AGTPBP1: variants seen among roughly 807,000 people sequenced by gnomAD.
AGTPBP1 encodes cytosolic carboxypeptidase 1.
Under a neutral mutation model 143.9 loss-of-function variants are expected in AGTPBP1, and 70 were observed. The ratio of observed to expected loss-of-function variants is 0.49; its 90% CI spans 0.40 to 0.59. AGTPBP1 has a LOEUF of 0.59. Among genes scored for constraint, AGTPBP1 ranks in the 20% least tolerant of loss-of-function variants. The pLI, the probability that AGTPBP1 is intolerant of heterozygous loss-of-function variation, is 0.00. For synonymous variants in AGTPBP1, 463 were observed against 500.2 expected, an observed-to-expected ratio of 0.93 and a Z score of 0.99; for missense variants, 1,229 against 1,464.5, an observed-to-expected ratio of 0.84 and a Z score of 2.62.
chr9:85,720,619 T>A lies in AGTPBP1; in HGVS notation c.-33-8053A>T, dbSNP rs139886909. Reference sequence around the variant, plus strand: ...TTTTTCAAAAAACCAGCTCCTGGATTCATTGATTTTTTTAAGGGATTTTTT... The same window carrying A: ...TTTTTCAAAAAACCAGCTCCTGGATACATTGATTTTTTTAAGGGATTTTTT... On this transcript the variant is annotated intron_variant, in intron 1 of 25. Transcript: ENST00000357081. Among the ~76,000 whole-genome samples the A allele has an allele frequency of 7.1e-4, 107 of 150,602 alleles. 1 individual carries two copies. In the East Asian group the frequency reaches 0.014, roughly 20 times the overall value.
In AGTPBP1 at chr9:85,740,193, T is replaced by C. The variant is rs190505744; in HGVS notation, c.-34+1582A>G. Among the ~76,000 whole-genome samples, 5 of 152,338 alleles carry C rather than the reference T, an allele frequency of 3.3e-5. No homozygotes were observed. In the East Asian group the frequency reaches 7.7e-4, roughly 23 times the overall value. On this transcript the variant is annotated intron_variant, in intron 1 of 25. Coordinates refer to ENST00000357081, the MANE Select transcript of AGTPBP1 (RefSeq NM_001330701.2). ...CAAAAGTTTAATTAATAGATTTAAA[T>C]GCTTTGCAATGTTGGCCAAATACGA...
chr9:85,625,502 G>A (rs1191219287), intron 14 of AGTPBP1, among the ~76,000 whole-genome samples: 4 of 151,936 alleles, frequency 2.6e-5, no homozygotes, highest in South Asian at 2.1e-4. Context: ...TTTCATAAGC[G>A]TATTTTTTAA....
At chr9:85,671,041 A>G (rs1834447616) in intron 7 of AGTPBP1, among the ~76,000 whole-genome samples, 1 of 152,086 alleles carries the variant, frequency 6.6e-6, no homozygotes, top group African/African-American at 2.4e-5. Context: ...TCCTGGGCTC[A>G]AGAAATCCTC....
intron 11 of AGTPBP1, among the ~76,000 whole-genome samples, chr9:85,652,334 C>A (rs1190666677): frequency 6.6e-6 from 1 of 152,048 alleles, no homozygotes; most frequent in Non-Finnish European, 1.5e-5. Context: ...CATGGTGAAA[C>A]CCCGTCTCTA....
intron 1 of AGTPBP1, among the ~76,000 whole-genome samples, chr9:85,723,690 C>T (rs1212772833): frequency 6.6e-6 from 1 of 152,134 alleles, no homozygotes; most frequent in African/African-American, 2.4e-5. Flanking sequence ...GTGGGCTGCA[C>T]CCACCGTCCA....
In AGTPBP1 at chr9:85,638,104, G is replaced by T. The variant is rs530966352; in HGVS notation, c.1302+4723C>A. ...AAAACCCACTTGACGTTACTGCTTTGCTTTTTATGTTTAGTAAAAAAAAAG... is the reference window on the plus strand; with the variant it reads ...AAAACCCACTTGACGTTACTGCTTTTCTTTTTATGTTTAGTAAAAAAAAAG... On this transcript the variant is annotated intron_variant, in intron 13 of 25. Coordinates refer to ENST00000357081, the MANE Select transcript of AGTPBP1 (RefSeq NM_001330701.2). Among the ~76,000 whole-genome samples the T allele has an allele frequency of 9.6e-5, 14 of 146,162 alleles. No individual in the cohort carries two copies. The East Asian group carries it at 3.0e-3, about 31-fold the overall frequency.
At chr9:85,634,999 G>C (rs539525394) in intron 13 of AGTPBP1, among the ~76,000 whole-genome samples, 1 of 152,126 alleles carries the variant, frequency 6.6e-6, no homozygotes, top group African/African-American at 2.4e-5. Flanking sequence ...TTATCTTACT[G>C]CTATTTTAAT....
chr9:85,690,348 A>G (rs1373908587), intron 3 of AGTPBP1, among the ~76,000 whole-genome samples: 1 of 152,192 alleles, frequency 6.6e-6, no homozygotes, highest in East Asian at 1.9e-4. Flanking sequence ...GGCTAATCCT[A>G]GGCACTATAA....
At chr9:85,664,152 C>A (rs1834000122) in intron 8 of AGTPBP1, among the ~76,000 whole-genome samples, 1 of 152,132 alleles carries the variant, frequency 6.6e-6, no homozygotes, top group South Asian at 2.1e-4. Context: ...ATTGTCATGA[C>A]TGCTAGGGCC....
chr9:85,634,112 T>C (rs920927597), intron 13 of AGTPBP1, among the ~76,000 whole-genome samples: 2 of 147,464 alleles, frequency 1.4e-5, no homozygotes, highest in African/African-American at 5.1e-5. Context: ...GAGAATCACT[T>C]GAACCCAGGA....
chr9:85,799,721 T>C, the AGTPBP1 span, among the ~76,000 whole-genome samples: 1 of 152,154 alleles, frequency 6.6e-6, no homozygotes, highest in Admixed American at 6.5e-5. Context: ...TCTCACTATG[T>C]TGCCCAGGCT....
the AGTPBP1 span, among the ~76,000 whole-genome samples, chr9:85,785,380 T>TACAGG: frequency 6.6e-6 from 1 of 152,184 alleles, no homozygotes; most frequent in Non-Finnish European, 1.5e-5. Flanking sequence ...ACTAAAAGTA[T>TACAGG]ACTAAGCATG....
At position 85,720,790 on chromosome 9, in the gene AGTPBP1, T is replaced by C. The variant is rs146198035; in HGVS notation, c.-33-8224A>G. Among the ~76,000 whole-genome samples the C allele has an allele frequency of 6.2e-3, 940 of 152,324 alleles. 12 individuals are homozygous for C. The highest frequency in any genetic ancestry group is 0.021 in the African/African-American group (859 of 41,568). On this transcript the variant is annotated intron_variant, in intron 1 of 25. Transcript: ENST00000357081. The stretch of plus-strand genomic sequence containing the variant: ...ATTTTAGATCTTTCCTGCTTTCTCT[T>C]GTGGGCATTTAGTGTTGTAAATTTT...
chr9:85,573,592 G>A (rs1165363026), intron 25 of AGTPBP1, among the ~76,000 whole-genome samples: 1 of 150,740 alleles, frequency 6.6e-6, no homozygotes, highest in Non-Finnish European at 1.5e-5. Flanking sequence ...GAGCCCCTCT[G>A]CCCGGCTGCC....
chr9:85,654,913 T>A (rs961955291), intron 11 of AGTPBP1, among the ~76,000 whole-genome samples: 1 of 152,298 alleles, frequency 6.6e-6, no homozygotes, highest in East Asian at 1.9e-4. Context: ...AGCTTAATTA[T>A]TTCACAATTC....
the AGTPBP1 span, among the ~76,000 whole-genome samples, chr9:85,776,034 T>C: frequency 4.6e-5 from 7 of 152,156 alleles, no homozygotes; most frequent in Admixed American, 3.9e-4. Context: ...CCTGAGATCA[T>C]ACATAATCTT....
intron 10 of AGTPBP1, 133 bp downstream of exon 10, chr9:85,657,302 A>G (rs533175019): frequency 3.0e-5 from 23 of 760,010 alleles, no homozygotes; most frequent in African/African-American, 2.3e-4. Context: ...TGTGTCTTTT[A>G]CTTTTAAGAT....
intron 17 of AGTPBP1, 61 bp downstream of exon 17, chr9:85,618,922 C>T: frequency 1.3e-6 from 2 of 1,487,406 alleles, no homozygotes; most frequent in African/African-American, 1.4e-5. Flanking sequence ...TTTAAAAAAA[C>T]TTCTTTTCCA....
At chr9:85,795,856 G>GTTTTTTTT in the AGTPBP1 span, among the ~76,000 whole-genome samples, 13 of 70,670 alleles carry the variant, frequency 1.8e-4, no homozygotes, top group East Asian at 1.0e-3. Context: ...CTTCTTCTTA[G>GTTTTTTTT]TTTTTTTTTT....
Sources: gnomAD v4.1 joint callset for allele counts (sites outside exome capture counted in the v4.1 genomes callset) on GRCh38, gnomAD v4.1.1 for gene constraint, MANE v1.5 for transcripts, NCBI Gene and HGNC (gene_info 2026-07-23, HGNC 2026-07-21) for gene names.